CNKSR3: variants seen among roughly 807,000 people sequenced by gnomAD.
CNKSR3 encodes connector enhancer of kinase suppressor of ras 3.
Under a neutral mutation model 67.7 loss-of-function variants are expected in CNKSR3, and 36 were observed. The observed-to-expected ratio is 0.53, with a 90% CI of 0.41 to 0.70. The LOEUF (loss-of-function observed/expected upper bound fraction) is 0.70, where lower values mean the gene tolerates loss of function less well. Among genes scored for constraint, CNKSR3 ranks in the 30% least tolerant of loss-of-function variants. The pLI, the probability that CNKSR3 is intolerant of heterozygous loss-of-function variation, is 0.00. For synonymous variants in CNKSR3, 281 were observed against 271.4 expected, an observed-to-expected ratio of 1.04 and a Z score of -0.35; for missense variants, 630 against 695.2, an observed-to-expected ratio of 0.91 and a Z score of 1.05.
intron 2 of CNKSR3, among the ~76,000 whole-genome samples, chr6:154,449,023 C>T (rs1785767656): frequency 6.6e-6 from 1 of 152,200 alleles, no homozygotes; most frequent in Non-Finnish European, 1.5e-5. Flanking sequence ...ATCCCACCCA[C>T]ACTAACCAAT....
chr6:154,493,692 G>A (rs1786824078), intron 1 of CNKSR3, among the ~76,000 whole-genome samples: 1 of 152,192 alleles, frequency 6.6e-6, no homozygotes, highest in Non-Finnish European at 1.5e-5. Context: ...GCATGGCTGG[G>A]AGGCCTCAGG....
chr6:154,489,739 TA>T (rs1164688450), intron 1 of CNKSR3, among the ~76,000 whole-genome samples: 2 of 152,176 alleles, frequency 1.3e-5, no homozygotes, highest in African/African-American at 4.8e-5. Flanking sequence ...TTGATATTTC[TA>T]ACCACTTCCA....
chr6:154,502,717 A>G (rs1262425592), intron 1 of CNKSR3, among the ~76,000 whole-genome samples: 1 of 152,236 alleles, frequency 6.6e-6, no homozygotes, highest in Non-Finnish European at 1.5e-5. Flanking sequence ...GAAGAGTCAA[A>G]TGAGAACAAA....
At chr6:154,490,706 GCCA>G (rs1562356300) in intron 1 of CNKSR3, among the ~76,000 whole-genome samples, 1 of 151,382 alleles carries the variant, frequency 6.6e-6, no homozygotes, top group Non-Finnish European at 1.5e-5. Flanking sequence ...TCACAACAGA[GCCA>G]CCACATCGGC....
chr6:154,460,770 A>G (rs1786062403), intron 1 of CNKSR3, among the ~76,000 whole-genome samples: 1 of 152,236 alleles, frequency 6.6e-6, no homozygotes, highest in Admixed American at 6.5e-5. Flanking sequence ...GTTCATGCTT[A>G]CGCTGAATGA....
chr6:154,410,392 C>G lies in CNKSR3; in HGVS notation c.1320G>C (p.Trp440Cys). 6.2e-7 allele frequency: 1 copy of G among 1,614,086 alleles called. No homozygotes were observed. Among genetic ancestry groups the G allele is most frequent in the African/African-American group, 1.3e-5 (1 of 75,028 alleles). Residue 440 changes from tryptophan (W) to cysteine (C), a missense_variant, in exon 12 of 13, where the codon TGG (tryptophan) becomes TGC (cysteine). Physicochemically the swap from Trp to Cys is radical, Grantham distance 215. Around this residue, in one of 3 missense-constraint regions of CNKSR3, gnomAD observed 308 missense variants for 299.6 expected, o/e 1.03. Transcript: ENST00000607772. The stretch of plus-strand genomic sequence containing the variant: ...TGGCAAAAGGGTCCACAATCCCCAT[C>G]CAGTTCCCATCAGCAGGCATGGACA... ...RPLSMPADGN[W>C]MGIVDPFARP...
At position 154,450,180 on chromosome 6, in the gene CNKSR3, G is replaced by A; in HGVS notation, c.131C>T (p.Ser44Phe). 6.2e-7 allele frequency: 1 copy of A among 1,614,156 alleles called. No homozygotes were observed. The highest frequency in any genetic ancestry group is 1.3e-5 in the African/African-American group (1 of 75,028). ...KINGEQLLQI[S>F]HQDLEELGVT... ...CCCCAGCTCCTCCAGGTCCTGATGG[G>A]AAATCTGCAGCAGCTGCTCGCCGTT... is the stretch of plus-strand genomic sequence containing the variant. Residue 44 changes from serine (S) to phenylalanine (F), a missense_variant, in exon 2 of 13, where the codon TCC becomes TTC. Around this residue, in one of 3 missense-constraint regions of CNKSR3, gnomAD observed 189 missense variants for 205.0 expected, o/e 0.92. Transcript: ENST00000607772.
intron 1 of CNKSR3, among the ~76,000 whole-genome samples, chr6:154,467,195 G>A (rs780975826): frequency 3.3e-5 from 5 of 152,156 alleles, no homozygotes; most frequent in South Asian, 2.1e-4. Context: ...GATACCCACC[G>A]GGAGTAGAGA....
intron 1 of CNKSR3, among the ~76,000 whole-genome samples, chr6:154,481,535 A>C (rs1786567477): frequency 1.3e-5 from 2 of 152,224 alleles, no homozygotes; most frequent in Non-Finnish European, 2.9e-5. Context: ...TTTAGGTAGC[A>C]ACTGGCAGTG....
At chr6:154,460,347 G>C (rs898268281) in intron 1 of CNKSR3, among the ~76,000 whole-genome samples, 1 of 152,206 alleles carries the variant, frequency 6.6e-6, no homozygotes, top group African/African-American at 2.4e-5. Flanking sequence ...ACTGAGGGCA[G>C]GGAAGAAACA....
rs79446349 is a variant in CNKSR3, at chr6:154,505,157, C to T, written c.52+4906G>A. ...ACAGAAAGAACTGCCTCTGTCTGGACGGTGGCAGGAAGGGCCTAACAGTGC... is the reference window on the plus strand; with the variant it reads ...ACAGAAAGAACTGCCTCTGTCTGGATGGTGGCAGGAAGGGCCTAACAGTGC... On this transcript the variant is annotated intron_variant, in intron 1 of 12. Transcript: ENST00000607772. Among the ~76,000 whole-genome samples, 594 of 151,520 alleles carry T rather than the reference C, an allele frequency of 3.9e-3. 1 individual carries two copies. Among genetic ancestry groups the T allele is most frequent in the African/African-American group, 0.013 (535 of 41,478 alleles).
In CNKSR3 at chr6:154,398,277, G is replaced by A. The variant is rs1007895981; in HGVS notation, c.*8077C>T. The A allele has an allele frequency of 5.3e-5, 8 of 152,250 alleles. No individual in the cohort carries two copies. Among genetic ancestry groups the A allele is most frequent in the African/African-American group, 1.9e-4 (8 of 41,452 alleles). The allele number at this position is 152,250 out of a possible 1,614,324, so 9.4% of individuals were successfully genotyped here. The stretch of plus-strand genomic sequence containing the variant: ...CGGCATCAGTGTTAGCCAAGTGTCT[G>A]AGTGGTCTGGGTGTCACATCTGTGT... On this transcript the variant is annotated 3_prime_UTR_variant, in exon 13 of 13. Coordinates refer to ENST00000607772, the MANE Select transcript of CNKSR3 (RefSeq NM_173515.4).
chr6:154,427,039 G>T (rs1785270742), intron 7 of CNKSR3, among the ~76,000 whole-genome samples: 2 of 152,194 alleles, frequency 1.3e-5, no homozygotes, highest in South Asian at 4.1e-4. Context: ...TGTCTAGGAG[G>T]TGACATGGTA....
intron 5 of CNKSR3, among the ~76,000 whole-genome samples, chr6:154,432,620 T>A (rs1403303857): frequency 3.3e-5 from 5 of 152,218 alleles, no homozygotes; most frequent in Non-Finnish European, 7.3e-5. Flanking sequence ...TTCCCCTATG[T>A]TATCTTTTAG....
At chr6:154,475,487 C>A (rs1056983902) in intron 1 of CNKSR3, among the ~76,000 whole-genome samples, 17 of 152,334 alleles carry the variant, frequency 1.1e-4, no homozygotes, top group Non-Finnish European at 1.9e-4. Flanking sequence ...TCCCTACCCA[C>A]CGGCATGTAT....
chr6:154,412,274 T>A (rs1232758235), intron 10 of CNKSR3, among the ~76,000 whole-genome samples: 1 of 152,222 alleles, frequency 6.6e-6, no homozygotes, highest in Non-Finnish European at 1.5e-5. Context: ...TCATGACTCA[T>A]GACTTGTTTC....
Position 154,393,685 on chromosome 6 carries a change from T to C in CNKSR3, c.*12669A>G, listed in dbSNP as rs1305064679. The C allele has an allele frequency of 6.6e-6, 1 of 152,244 alleles. No homozygotes were observed. Among genetic ancestry groups the C allele is most frequent in the African/African-American group, 2.4e-5 (1 of 41,466 alleles). The allele number at this position is 152,244 out of a possible 1,614,324, so 9.4% of individuals were successfully genotyped here. Reference sequence around the variant, plus strand: ...TAGCTGAATTTATTAGTCTTTTCTTTTGTACTCAGCCCTTTTACTGTCTTC... The same window carrying C: ...TAGCTGAATTTATTAGTCTTTTCTTCTGTACTCAGCCCTTTTACTGTCTTC... On this transcript the variant is annotated 3_prime_UTR_variant, in exon 13 of 13. Coordinates refer to ENST00000607772, the MANE Select transcript of CNKSR3 (RefSeq NM_173515.4).
At chr6:154,472,084 T>C (rs906744744) in intron 1 of CNKSR3, among the ~76,000 whole-genome samples, 2 of 152,180 alleles carry the variant, frequency 1.3e-5, no homozygotes, top group African/African-American at 2.4e-5. Flanking sequence ...GCACCTGCCC[T>C]GGGCAGGCAA....
chr6:154,422,543 G>A lies in CNKSR3; in HGVS notation c.908C>T (p.Pro303Leu). ...TGGCTTCCACCGTAGGTTTTTCAGG[G>A]GAGCAGGAGTAAAGTTGAAAGACCC... ...PTGSFNFTPA[P>L]LKNLRWKPPL... Residue 303 changes from proline to leucine, a missense_variant, in exon 9 of 13, where the codon CCC (proline) becomes CTC (leucine). Physicochemically the swap from Pro to Leu is moderately conservative, Grantham distance 98. This residue lies in a region of CNKSR3 where 133 missense variants were observed against 190.6 expected (regional missense o/e 0.70). Transcript: ENST00000607772. The A allele has an allele frequency of 1.2e-6, 2 of 1,614,092 alleles. No individual in the cohort carries two copies. The highest frequency in any genetic ancestry group is 1.7e-6 in the Non-Finnish European group (2 of 1,180,008).
Sources: allele counts gnomAD v4.1 joint callset (sites outside exome capture counted in the v4.1 genomes callset), GRCh38; gene constraint gnomAD v4.1.1; regional missense constraint gnomAD v4.1.1; transcripts MANE v1.5; gene names NCBI Gene and HGNC (gene_info 2026-07-23, HGNC 2026-07-21).